Variants in CPQ observed in about 807,000 individuals in gnomAD.
The protein encoded by CPQ is Ser-Met dipeptidase.
In CPQ, 37 loss-of-function variants were observed where a neutral mutation model predicts 45.7. That is an observed-to-expected ratio of 0.81 (90% CI 0.62 to 1.07). The LOEUF (loss-of-function observed/expected upper bound fraction) is 1.07. CPQ is among the 50% of genes least tolerant of loss of function. The pLI is 0.00. For missense variants in CPQ, 537 were observed against 572.9 expected (o/e 0.94, Z 0.64); for synonymous variants, 186 against 205.8 (o/e 0.90, Z 0.82).
At chr8:96,930,927 C>A (rs1166753681) in intron 4 of CPQ, among the ~76,000 whole-genome samples, 1 of 152,144 alleles carries the variant, frequency 6.6e-6, no homozygotes, top group South Asian at 2.1e-4. Context: ...TTATAAAATT[C>A]CTTTGCATCA....
chr8:96,914,937 A>G (rs1759875299), intron 4 of CPQ, among the ~76,000 whole-genome samples: 1 of 152,196 alleles, frequency 6.6e-6, no homozygotes, highest in Non-Finnish European at 1.5e-5. Context: ...GGGAAAAATT[A>G]CTTACTGCAG....
chr8:96,870,557 A>G (rs1812054014), intron 3 of CPQ, among the ~76,000 whole-genome samples: 1 of 152,032 alleles, frequency 6.6e-6, no homozygotes, highest in South Asian at 2.1e-4. Context: ...GCCAGGGTTC[A>G]GTTCTGTCTT....
intron 1 of CPQ, among the ~76,000 whole-genome samples, chr8:96,660,656 T>TGA (rs1410368796): frequency 6.6e-6 from 1 of 151,816 alleles, no homozygotes; most frequent in Non-Finnish European, 1.5e-5. Context: ...TGTGTGTGTG[T>TGA]GTGTGTGTTT....
intron 4 of CPQ, among the ~76,000 whole-genome samples, chr8:96,934,139 C>A (rs576569525): frequency 1.0e-3 from 156 of 152,278 alleles, no homozygotes; most frequent in African/African-American, 3.6e-3. Flanking sequence ...ATCTGACTAT[C>A]ACTGAGAAGC....
At chr8:97,102,318 C>G (rs1183466180) in intron 7 of CPQ, among the ~76,000 whole-genome samples, 1 of 152,134 alleles carries the variant, frequency 6.6e-6, no homozygotes, top group African/African-American at 2.4e-5. Context: ...TAAGTCACCC[C>G]CATCCAACCA....
intron 1 of CPQ, among the ~76,000 whole-genome samples, chr8:96,645,916 G>A (rs1313715361): frequency 2.0e-5 from 3 of 151,006 alleles, no homozygotes; most frequent in African/African-American, 7.3e-5. Flanking sequence ...GTTCCATGAG[G>A]GCAAAGTCCC....
chr8:96,879,239 ACTTTT>A (rs1563519293), intron 3 of CPQ, among the ~76,000 whole-genome samples: 1 of 152,182 alleles, frequency 6.6e-6, no homozygotes, highest in Non-Finnish European at 1.5e-5. Flanking sequence ...TTATTCAGCA[ACTTTT>A]CTTTATGAGA....
intron 1 of CPQ, among the ~76,000 whole-genome samples, chr8:96,689,740 G>T (rs1334357300): frequency 6.6e-6 from 1 of 152,068 alleles, no homozygotes; most frequent in African/African-American, 2.4e-5. Flanking sequence ...GGGGACACTA[G>T]TTGTACATAT....
chr8:96,672,232 A>C (rs1468568870), intron 1 of CPQ, among the ~76,000 whole-genome samples: 2 of 152,042 alleles, frequency 1.3e-5, no homozygotes, highest in Admixed American at 1.3e-4. Context: ...CCATTGTACC[A>C]CTCCAAAACC....
At chr8:96,800,534 A>T (rs940918263) in intron 2 of CPQ, among the ~76,000 whole-genome samples, 1 of 152,190 alleles carries the variant, frequency 6.6e-6, no homozygotes, top group African/African-American at 2.4e-5. Flanking sequence ...TTCAAGGATG[A>T]TTATTATAGC....
chr8:97,126,525 A>C (rs1811850275), intron 7 of CPQ, among the ~76,000 whole-genome samples: 1 of 152,216 alleles, frequency 6.6e-6, no homozygotes, highest in African/African-American at 2.4e-5. Context: ...GAAAATCCTA[A>C]GAAAACTACA....
intron 1 of CPQ, among the ~76,000 whole-genome samples, chr8:96,711,468 G>A (rs1375818227): frequency 6.6e-6 from 1 of 152,162 alleles, no homozygotes; most frequent in African/African-American, 2.4e-5. Context: ...CTGTGACTGG[G>A]TAGTTTATAA....
intron 4 of CPQ, among the ~76,000 whole-genome samples, chr8:96,926,565 T>G (rs993926879): frequency 4.6e-5 from 5 of 108,428 alleles, no homozygotes; most frequent in African/African-American, 2.1e-4. Context: ...TTCCTCTTCC[T>G]CTTCCTCTTC....
At chr8:96,852,674 C>G (rs1811787130) in intron 3 of CPQ, among the ~76,000 whole-genome samples, 1 of 152,140 alleles carries the variant, frequency 6.6e-6, no homozygotes. Context: ...CTCATTTAAG[C>G]TGAACTGTCT....
At chr8:97,137,436 T>C (rs1812080023) in intron 7 of CPQ, among the ~76,000 whole-genome samples, 1 of 152,228 alleles carries the variant, frequency 6.6e-6, no homozygotes, top group Non-Finnish European at 1.5e-5. Context: ...CAGTGACTTC[T>C]GTTCTTTGAA....
At chr8:96,697,974 G>A (rs899675231) in intron 1 of CPQ, among the ~76,000 whole-genome samples, 27 of 151,958 alleles carry the variant, frequency 1.8e-4, no homozygotes, top group African/African-American at 6.5e-4. Context: ...TGATACCAAT[G>A]ACTTTCTTCA....
chr8:96,710,909 T>A (rs1046703612), intron 1 of CPQ, among the ~76,000 whole-genome samples: 1 of 152,300 alleles, frequency 6.6e-6, no homozygotes, highest in African/African-American at 2.4e-5. Flanking sequence ...GTTGACTTTC[T>A]GCCTCTATGA....
At chr8:96,662,110 G>C (rs1815708100) in intron 1 of CPQ, among the ~76,000 whole-genome samples, 1 of 152,074 alleles carries the variant, frequency 6.6e-6, no homozygotes, top group Admixed American at 6.5e-5. Flanking sequence ...AGGTCTTTGG[G>C]TCATTTTTTA....
At chr8:97,113,928 A>T (rs1811541904) in intron 7 of CPQ, among the ~76,000 whole-genome samples, 1 of 152,230 alleles carries the variant, frequency 6.6e-6, no homozygotes, top group African/African-American at 2.4e-5. Context: ...CAACGTGGGC[A>T]GCAGAGTGTC....
Sources: gnomAD v4.1 joint callset for allele counts (sites outside exome capture counted in the v4.1 genomes callset) on GRCh38, gnomAD v4.1.1 for gene constraint, MANE v1.5 for transcripts, NCBI Gene and HGNC (gene_info 2026-07-23, HGNC 2026-07-21) for gene names.